Variants in CCDC28A observed in about 807,000 individuals in gnomAD.
The protein encoded by CCDC28A is coiled-coil domain containing 28A, also known as coiled-coil domain-containing protein 28A.
CCDC28A carries 24 observed loss-of-function variants against 22.1 expected under a neutral mutation model. The ratio of observed to expected loss-of-function variants is 1.09; its 90% CI spans 0.79 to 1.53. The LOEUF is 1.53. Among genes scored for constraint, CCDC28A ranks in the 40% most tolerant of loss-of-function variants. The pLI is 0.00. For synonymous variants in CCDC28A, 83 were observed against 74.7 expected (o/e 1.11, Z -0.57); for missense variants, 170 against 210.7 (o/e 0.81, Z 1.20).
intron 3 of CCDC28A, among the ~76,000 whole-genome samples, chr6:138,782,523 G>T (rs189075130): frequency 8.8e-4 from 132 of 149,846 alleles, no homozygotes; most frequent in Non-Finnish European, 1.4e-3. Flanking sequence ...CTCATGGTAG[G>T]TCACCTAGAT....
At chr6:138,781,097 A>G (rs966964344) in intron 3 of CCDC28A, among the ~76,000 whole-genome samples, 10 of 151,924 alleles carry the variant, frequency 6.6e-5, no homozygotes, top group Non-Finnish European at 4.4e-5. Context: ...CATCCCAGCC[A>G]TTTGTTAACA....
intron 2 of CCDC28A, among the ~76,000 whole-genome samples, chr6:138,779,611 A>T (rs563210586): frequency 6.6e-6 from 1 of 152,302 alleles, no homozygotes; most frequent in Non-Finnish European, 1.5e-5. Context: ...AACTTTTTAT[A>T]TGCCTTTGTA....
intron 3 of CCDC28A, among the ~76,000 whole-genome samples, chr6:138,781,268 A>G (rs1364823429): frequency 2.0e-5 from 3 of 152,204 alleles, no homozygotes; most frequent in Non-Finnish European, 4.4e-5. Flanking sequence ...TGGCAACATA[A>G]TATTCCAAGT....
At chr6:138,778,849 C>A (rs899059836) in intron 2 of CCDC28A, among the ~76,000 whole-genome samples, 2 of 151,302 alleles carry the variant, frequency 1.3e-5, no homozygotes, top group African/African-American at 4.9e-5. Context: ...CTCACTGCAA[C>A]CTCCACCTCC....
At chr6:138,790,081 C>A (rs1271926703) in intron 5 of CCDC28A, among the ~76,000 whole-genome samples, 1 of 151,912 alleles carries the variant, frequency 6.6e-6, no homozygotes, top group Admixed American at 6.6e-5. Flanking sequence ...AGTTCTCTTT[C>A]TTCCTTCAAT....
chr6:138,785,151 G>A (rs1472588606), intron 3 of CCDC28A, 76 bp from the exon 4 acceptor site: 14 of 869,598 alleles, frequency 1.6e-5, no homozygotes, highest in Non-Finnish European at 2.4e-5. Context: ...AGAGCACCTA[G>A]AGTTTAAGTG....
intron 1 of CCDC28A, among the ~76,000 whole-genome samples, chr6:138,775,783 C>T (rs1471947771): frequency 1.3e-5 from 2 of 152,174 alleles, no homozygotes; most frequent in East Asian, 3.9e-4. Context: ...AGTGCCGTCT[C>T]TCCAGTACCC....
At position 138,792,981 on chromosome 6, in the gene CCDC28A, A is replaced by T; in HGVS notation, c.*178A>T. On this transcript the variant is annotated 3_prime_UTR_variant, in exon 6 of 6. Coordinates refer to ENST00000617445, the MANE Select transcript of CCDC28A (RefSeq NM_015439.3). ...AATGTGACTCGCTGTAATTCACCAT[A>T]ACTGGAGGCCTAGGCCTTGTTGAAG... 1 of 578,638 alleles carries T rather than the reference A, an allele frequency of 1.7e-6. No individual in the cohort carries two copies. Among genetic ancestry groups the T allele is most frequent in the Non-Finnish European group, 3.1e-6 (1 of 322,232 alleles). 35.8% of individuals were successfully genotyped at this position (578,638 alleles called of 1,614,324 possible). A position where few individuals can be genotyped will look rare whatever the true frequency, so the allele number is the denominator to read the frequency against.
At chr6:138,774,000 C>T (rs1774886027) in intron 1 of CCDC28A, 98 bp downstream of exon 1, 1 of 1,423,144 alleles carries the variant, frequency 7.0e-7, no homozygotes, top group Non-Finnish European at 9.6e-7. Context: ...AGGGTCATCG[C>T]TTCGGTAGAT....
intron 5 of CCDC28A, 49 bp from the exon 6 acceptor site, chr6:138,792,700 A>AAAG (rs775350631): frequency 1.7e-6 from 2 of 1,149,914 alleles, no homozygotes; most frequent in African/African-American, 3.0e-5. Flanking sequence ...CAGAAATGTA[A>AAAG]AAGAAGTACC....
chr6:138,779,076 C>T (rs1583520756), intron 2 of CCDC28A, among the ~76,000 whole-genome samples: 1 of 152,120 alleles, frequency 6.6e-6, no homozygotes, highest in East Asian at 1.9e-4. Context: ...CCTACTGAAG[C>T]ATTTTTAATT....
chr6:138,785,057 C>T (rs763303493), intron 3 of CCDC28A, among the ~76,000 whole-genome samples, 170 bp from the exon 4 acceptor site: 1 of 152,110 alleles, frequency 6.6e-6, no homozygotes, highest in Non-Finnish European at 1.5e-5. Context: ...CATTGTTTTC[C>T]TGGTCAGAAA....
intron 3 of CCDC28A, among the ~76,000 whole-genome samples, chr6:138,780,222 A>G (rs72985048): frequency 0.034 from 5,134 of 152,326 alleles, 120 homozygotes; most frequent in Non-Finnish European, 0.041. Flanking sequence ...TAGGATTGCC[A>G]TTATGGAATA....
intron 3 of CCDC28A, 106 bp downstream of exon 3, chr6:138,780,091 A>G: frequency 5.0e-6 from 4 of 796,664 alleles, no homozygotes; most frequent in Non-Finnish European, 7.3e-6. Flanking sequence ...CTTTTAAGAA[A>G]AAAAGAGCCC....
chr6:138,783,643 T>A (rs1336787979), intron 3 of CCDC28A, among the ~76,000 whole-genome samples: 1 of 151,756 alleles, frequency 6.6e-6, no homozygotes, highest in Admixed American at 6.6e-5. Context: ...TTTCACCATG[T>A]TAGCCAGGAT....
rs951763185 is a variant in CCDC28A, at chr6:138,779,844, C to T, written c.181C>T (p.Pro61Ser). The change falls in exon 3 of 6, where the codon CCT becomes TCT. Residue 61 changes from proline to serine, a missense_variant. Physicochemically the swap from Pro to Ser is moderately conservative, Grantham distance 74. Coordinates refer to ENST00000617445, the MANE Select transcript of CCDC28A (RefSeq NM_015439.3). Reference protein sequence around the residue: ...LKRVMKEKTKPQGGEGKGAQS... With the variant: ...LKRVMKEKTKSQGGEGKGAQS... ...CAGAGTGATGAAAGAAAAGACCAAA[C>T]CTCAGGGTGGAGAGGGCAAAGGCGC... 5.0e-6 allele frequency: 8 copies of T among 1,612,882 alleles called. No individual in the cohort carries two copies. The highest frequency in any genetic ancestry group is 6.8e-6 in the Non-Finnish European group (8 of 1,179,496).
At chr6:138,783,557 C>T (rs1397202055) in intron 3 of CCDC28A, among the ~76,000 whole-genome samples, 1 of 151,922 alleles carries the variant, frequency 6.6e-6, no homozygotes, top group African/African-American at 2.4e-5. Context: ...CCTGCCTCAG[C>T]CTCCCGAGTA....
chr6:138,776,414 G>A (rs1397697722), intron 2 of CCDC28A, 136 bp downstream of exon 2: 1 of 670,240 alleles, frequency 1.5e-6, no homozygotes, highest in Admixed American at 2.7e-5. Context: ...TGATTTAGAA[G>A]AAAAATTTAT....
intron 3 of CCDC28A, among the ~76,000 whole-genome samples, chr6:138,783,922 G>C (rs1259017566): frequency 1.4e-5 from 2 of 145,320 alleles, no homozygotes; most frequent in African/African-American, 5.2e-5. Flanking sequence ...TGTTACTCAG[G>C]GTGGAGTGCA....
Sources: allele counts gnomAD v4.1 joint callset (sites outside exome capture counted in the v4.1 genomes callset), GRCh38; gene constraint gnomAD v4.1.1; transcripts MANE v1.5; gene names NCBI Gene and HGNC (gene_info 2026-07-23, HGNC 2026-07-21).